Variants in DNAH12 observed in about 807,000 individuals in gnomAD.
DNAH12 encodes axonemal beta dynein heavy chain 12.
A neutral mutation model predicts 371.5 loss-of-function variants in DNAH12; 285 were observed. The ratio of observed to expected loss-of-function variants is 0.77; its 90% CI spans 0.70 to 0.85. DNAH12 has a LOEUF of 0.85. Ranked by LOEUF, DNAH12 falls within the 40% of genes least tolerant of loss-of-function variation. The pLI is 0.00. For missense variants in DNAH12, 3,611 were observed against 3,689.4 expected, an observed-to-expected ratio of 0.98 and a Z score of 0.55; for synonymous variants, 1,200 against 1,213.0, an observed-to-expected ratio of 0.99 and a Z score of 0.22.
At chr3:57,500,536 C>T (rs1450774882) in intron 11 of DNAH12, among the ~76,000 whole-genome samples, 8 of 152,136 alleles carry the variant, frequency 5.3e-5, no homozygotes, top group African/African-American at 1.9e-4. Context: ...TATTTTCATT[C>T]ATTTATATTC....
At chr3:57,528,641 C>A (rs62260467) in intron 2 of DNAH12, among the ~76,000 whole-genome samples, 149,120 of 149,124 alleles carry the variant, frequency 1, 74,558 homozygotes, top group Middle Eastern at 1. Context: ...CAGGAGAATC[C>A]CTTGAACCCG....
chr3:57,495,376 G>A (rs2067274528), intron 11 of DNAH12, among the ~76,000 whole-genome samples: 1 of 147,754 alleles, frequency 6.8e-6, no homozygotes, highest in South Asian at 2.1e-4. Context: ...ATGGCCAACA[G>A]GTTGAAACCC....
chr3:57,438,537 ACT>A (rs1480368343), intron 29 of DNAH12, among the ~76,000 whole-genome samples: 1 of 152,104 alleles, frequency 6.6e-6, no homozygotes, highest in Non-Finnish European at 1.5e-5. Context: ...AACCCTAAAG[ACT>A]CTGCCAAAAG....
chr3:57,451,625 C>T (rs1271975406), intron 25 of DNAH12, among the ~76,000 whole-genome samples: 4 of 152,128 alleles, frequency 2.6e-5, no homozygotes, highest in Non-Finnish European at 5.9e-5. Flanking sequence ...GGCGGCAGAG[C>T]GAGATTCTGT....
intron 13 of DNAH12, among the ~76,000 whole-genome samples, chr3:57,477,067 G>C (rs1372713650): frequency 6.6e-6 from 1 of 152,084 alleles, no homozygotes; most frequent in Non-Finnish European, 1.5e-5. Flanking sequence ...GGGAGTGTCG[G>C]AAAGTAGGTG....
Position 57,446,245 on chromosome 3 carries a change from C to G in DNAH12, c.3965G>C (p.Gly1322Ala), listed in dbSNP as rs759347534. Residue 1322 changes from glycine (G) to alanine (A), a missense_variant, in exon 27 of 74, where the codon GGT becomes GCT. Around this residue, in one of 3 missense-constraint regions of DNAH12, gnomAD observed 2,266 missense variants for 2,236.9 expected, o/e 1.01. Transcript: ENST00000495027. ...GKFFKGLASS[G>A]AWACFDEFNR... ...GAATTCATCAAAGCAAGCCCAAGCACCAGAAGAAGCCAGTCCTTTAAAAAA... is the reference window on the plus strand; with the variant it reads ...GAATTCATCAAAGCAAGCCCAAGCAGCAGAAGAAGCCAGTCCTTTAAAAAA... The G allele has an allele frequency of 1.3e-6, 2 of 1,551,652 alleles. No homozygotes were observed. Among genetic ancestry groups the G allele is most frequent in the South Asian group, 2.4e-5 (2 of 83,980 alleles).
At chr3:57,442,803 G>C (rs912526573) in intron 29 of DNAH12, among the ~76,000 whole-genome samples, 1 of 152,126 alleles carries the variant, frequency 6.6e-6, no homozygotes, top group Non-Finnish European at 1.5e-5. Flanking sequence ...ATGCATATTA[G>C]TATTTGAGCA....
intron 12 of DNAH12, among the ~76,000 whole-genome samples, chr3:57,488,878 C>T (rs566248342): frequency 6.6e-6 from 1 of 152,138 alleles, no homozygotes; most frequent in Admixed American, 6.5e-5. Flanking sequence ...CTCCATTTAC[C>T]ACAGCAGGCC....
At chr3:57,370,780 C>T in intron 55 of DNAH12, among the ~76,000 whole-genome samples, 1 of 152,066 alleles carries the variant, frequency 6.6e-6, no homozygotes, top group Non-Finnish European at 1.5e-5. Context: ...AAATCCAGAA[C>T]AGTAAGTTTG....
chr3:57,383,445 T>C (rs1411686632), intron 49 of DNAH12, among the ~76,000 whole-genome samples: 9 of 151,698 alleles, frequency 5.9e-5, no homozygotes, highest in East Asian at 1.9e-4. Flanking sequence ...TCATGGAACA[T>C]AGGGAGAAGT....
At chr3:57,410,728 A>C (rs554673059) in intron 39 of DNAH12, among the ~76,000 whole-genome samples, 1 of 152,118 alleles carries the variant, frequency 6.6e-6, no homozygotes, top group African/African-American at 2.4e-5. Flanking sequence ...GGGCATAAGA[A>C]TCACTTGAAC....
At chr3:57,444,460 G>GGATTACA (rs2065411365) in intron 29 of DNAH12, among the ~76,000 whole-genome samples, 1 of 151,984 alleles carries the variant, frequency 6.6e-6, no homozygotes, top group African/African-American at 2.4e-5. Context: ...CCAGAGTCCA[G>GGATTACA]GATTACAGGT....
chr3:57,457,872 A>T lies in DNAH12; in HGVS notation c.3185T>A (p.Ile1062Asn). ...GCCCTCAGAGCTATACATGGCTTTA[A>T]TGTCCAAATTGGGAAGGAACTCTAA... ...AKLEFLPNLD[I>N]KAMYSSEGER... The change falls in exon 22 of 74, where the codon ATT becomes AAT. Residue 1062 changes from isoleucine to asparagine, a missense_variant. Around this residue, in one of 3 missense-constraint regions of DNAH12, gnomAD observed 1,314 missense variants for 1,398.7 expected, o/e 0.94. Transcript: ENST00000495027. 1.3e-6 allele frequency: 2 copies of T among 1,551,676 alleles called. No homozygotes were observed. Among genetic ancestry groups the T allele is most frequent in the Non-Finnish European group, 1.7e-6 (2 of 1,146,992 alleles).
intron 13 of DNAH12, among the ~76,000 whole-genome samples, chr3:57,477,933 T>C (rs1352723982): frequency 6.6e-6 from 1 of 152,054 alleles, no homozygotes; most frequent in South Asian, 2.1e-4. Context: ...TACGTCACCA[T>C]CATCAAAGAC....
chr3:57,320,367 C>T (rs1456820936), intron 65 of DNAH12, among the ~76,000 whole-genome samples: 4 of 152,124 alleles, frequency 2.6e-5, no homozygotes, highest in African/African-American at 9.7e-5. Context: ...AAATGTATCC[C>T]TGCCCTTAAG....
intron 4 of DNAH12, chr3:57,512,480 T>C (rs1314834074): frequency 6.6e-6 from 1 of 152,146 alleles, no homozygotes; most frequent in Non-Finnish European, 1.5e-5. Context: ...TATACTAAAA[T>C]TGGAATGATA....
intron 2 of DNAH12, among the ~76,000 whole-genome samples, chr3:57,533,895 TCC>T (rs1553722730): frequency 6.6e-6 from 1 of 152,192 alleles, no homozygotes; most frequent in Non-Finnish European, 1.5e-5. Context: ...GCCCCTGCAG[TCC>T]ACTGGATCTG....
intron 65 of DNAH12, 65 bp from the exon 66 acceptor site, chr3:57,314,696 G>C: frequency 1.4e-6 from 2 of 1,443,714 alleles, no homozygotes; most frequent in Non-Finnish European, 1.8e-6. Context: ...TAAAATGAGA[G>C]GAATAGATAA....
At chr3:57,494,518 T>C (rs1013773616) in intron 11 of DNAH12, among the ~76,000 whole-genome samples, 2 of 151,832 alleles carry the variant, frequency 1.3e-5, no homozygotes, top group African/African-American at 4.8e-5. Flanking sequence ...GCTGAGATCA[T>C]ACCACTGTAC....
Sources: gnomAD v4.1 joint callset for allele counts (sites outside exome capture counted in the v4.1 genomes callset) on GRCh38, gnomAD v4.1.1 for gene constraint, gnomAD v4.1.1 regional missense constraint, MANE v1.5 for transcripts, NCBI Gene and HGNC (gene_info 2026-07-23, HGNC 2026-07-21) for gene names.